Variants in GNA13 observed in about 807,000 individuals in gnomAD.
GNA13 encodes the protein guanine nucleotide-binding protein subunit alpha-13.
Under a neutral mutation model 33.5 loss-of-function variants are expected in GNA13, and 4 were observed. That is an observed-to-expected ratio of 0.12 (90% CI 0.06 to 0.27). GNA13 has a LOEUF of 0.27. Ranked by LOEUF, GNA13 falls within the 10% of genes least tolerant of loss-of-function variation. The pLI is 1.00. For missense variants in GNA13, 319 were observed against 487.2 expected, an observed-to-expected ratio of 0.65 and a Z score of 3.25; for synonymous variants, 176 against 183.8, an observed-to-expected ratio of 0.96 and a Z score of 0.34.
chr17:65,024,633 G>A (rs1479001814), intron 2 of GNA13, among the ~76,000 whole-genome samples: 2 of 152,162 alleles, frequency 1.3e-5, no homozygotes, highest in African/African-American at 2.4e-5. Flanking sequence ...ATTACCTAAT[G>A]TGCTTATTAA....
chr17:65,022,993 A>T (rs1046037816), intron 2 of GNA13, among the ~76,000 whole-genome samples: 4 of 152,246 alleles, frequency 2.6e-5, no homozygotes, highest in African/African-American at 9.6e-5. Flanking sequence ...CACAATGCTC[A>T]GTTGTTGTTT....
intron 2 of GNA13, among the ~76,000 whole-genome samples, chr17:65,027,261 C>T (rs1906823813): frequency 6.6e-6 from 1 of 151,830 alleles, no homozygotes; most frequent in Non-Finnish European, 1.5e-5. Flanking sequence ...CTCAAATCAT[C>T]CAGATTTATT....
At chr17:65,017,201 C>T (rs192672640) in intron 3 of GNA13, among the ~76,000 whole-genome samples, 74 of 152,280 alleles carry the variant, frequency 4.9e-4, no homozygotes, top group African/African-American at 1.3e-3. Flanking sequence ...TTCAGAAACA[C>T]GCCGGGCCCT....
Position 65,053,593 on chromosome 17 carries a change from C to G in GNA13, c.419G>C (p.Arg140Thr). 6.2e-7 allele frequency: 1 copy of G among 1,613,812 alleles called. No homozygotes were observed. Among genetic ancestry groups the G allele is most frequent in the Non-Finnish European group, 8.5e-7 (1 of 1,179,688 alleles). The change falls in exon 2 of 4, where the codon AGG becomes ACG. Residue 140 changes from arginine to threonine, a missense_variant. Coordinates refer to ENST00000439174, the MANE Select transcript of GNA13 (RefSeq NM_006572.6). ...AGCAGGAAGATATTGTAAGAAAACC[C>G]TTGTTTCCACCATTCCTTGGGCTGC... ...PMAAQGMVETRVFLQYLPAIR... is the reference protein window; with the variant it reads ...PMAAQGMVETTVFLQYLPAIR...
At chr17:65,029,052 T>C (rs1317946945) in intron 2 of GNA13, among the ~76,000 whole-genome samples, 1 of 152,210 alleles carries the variant, frequency 6.6e-6, no homozygotes, top group Non-Finnish European at 1.5e-5. Flanking sequence ...TGGGAAAAAC[T>C]TGGTGAACAC....
At chr17:65,042,582 C>A (rs1236055765) in intron 2 of GNA13, among the ~76,000 whole-genome samples, 2 of 151,486 alleles carry the variant, frequency 1.3e-5, no homozygotes, top group Non-Finnish European at 2.9e-5. Flanking sequence ...ACCAAAAATA[C>A]AAAAATTAGC....
At chr17:65,051,727 AAAC>A (rs1907865834) in intron 2 of GNA13, among the ~76,000 whole-genome samples, 1 of 152,238 alleles carries the variant, frequency 6.6e-6, no homozygotes, top group Non-Finnish European at 1.5e-5. Flanking sequence ...TCAAGGGACA[AAAC>A]TAACCAGAAA....
rs200032909 is a variant in GNA13, at chr17:65,014,400, G to A, written c.991C>T (p.Arg331Trp). 6.8e-6 allele frequency: 11 copies of A among 1,613,918 alleles called. No individual in the cohort carries two copies. Among genetic ancestry groups the A allele is most frequent in the South Asian group, 2.2e-5 (2 of 91,074 alleles). The change falls in exon 4 of 4, where the codon CGG becomes TGG. Residue 331 changes from arginine to tryptophan, a missense_variant. This residue lies in a region of GNA13 where 134 missense variants were observed against 241.3 expected (regional missense o/e 0.56). Transcript: ENST00000439174. This position sits in a 1 kb window ranked among gnomAD's most constrained non-coding sequence, Gnocchi z 5.3. ...TGTTGCTGGTCCCGGCGTTTGTTCC[G>A]GAAACATTCCACCAGGAATTTTTGG... ...DVQKFLVECF[R>W]NKRRDQQQKP... is the part of the protein sequence containing the mutation.
Position 65,013,554 on chromosome 17 carries a change from A to C in GNA13, c.*703T>G. On this transcript the variant is annotated 3_prime_UTR_variant, in exon 4 of 4. Coordinates refer to ENST00000439174, the MANE Select transcript of GNA13 (RefSeq NM_006572.6). The stretch of plus-strand genomic sequence containing the variant: ...ATTTCACTCGTTACGTTTGACCAAA[A>C]CACGGTAAACAGCATTAGCTTGCCT... 4.6e-6 allele frequency: 1 copy of C among 218,742 alleles called. No homozygotes were observed. Among genetic ancestry groups the C allele is most frequent in the East Asian group, 6.8e-5 (1 of 14,804 alleles). The allele number at this position is 218,742 out of a possible 1,614,324, so 13.6% of individuals were successfully genotyped here. A position where few individuals can be genotyped will look rare whatever the true frequency, so the allele number is the denominator to read the frequency against.
At chr17:65,053,779 TATC>T (rs1907941692) in intron 1 of GNA13, 51 bp from the exon 2 acceptor site, 1 of 1,128,958 alleles carries the variant, frequency 8.9e-7, no homozygotes, top group Non-Finnish European at 1.3e-6. Context: ...CATTACATAT[TATC>T]ATAAGTTTTT....
rs1271709495 is a variant in GNA13, at chr17:65,010,458, A to C, written c.*3799T>G. 6.6e-6 allele frequency among the ~76,000 whole-genome samples: 1 copy of C among 152,072 alleles called. No individual in the cohort carries two copies. The highest frequency in any genetic ancestry group is 2.4e-5 in the African/African-American group (1 of 41,406). On this transcript the variant is annotated 3_prime_UTR_variant, in exon 4 of 4. Coordinates refer to ENST00000439174, the MANE Select transcript of GNA13 (RefSeq NM_006572.6). ...CCCACCCACAATCTCTCCCCTCCTC[A>C]TGTTTACTAGACTGAAAAGCCACCC...
chr17:65,036,361 C>G (rs1907247124), intron 2 of GNA13, among the ~76,000 whole-genome samples: 1 of 152,220 alleles, frequency 6.6e-6, no homozygotes, highest in Non-Finnish European at 1.5e-5. Context: ...TGAGTATCAG[C>G]CTCGGGCTTT....
Position 65,031,921 on chromosome 17 carries a change from AGT to A in GNA13, c.511-13620_511-13619del, listed in dbSNP as rs148637639. Among the ~76,000 whole-genome samples, 488 of 91,662 alleles carry A rather than the reference AGT, an allele frequency of 5.3e-3. 2 individuals carry two copies. The highest frequency in any genetic ancestry group is 0.018 in the Middle Eastern group (3 of 164). The allele number at this position is 91,662 out of a possible 152,430, so 60.1% of individuals were successfully genotyped here. On this transcript the variant is annotated intron_variant, in intron 2 of 3. Coordinates refer to ENST00000439174, the MANE Select transcript of GNA13 (RefSeq NM_006572.6). ...AAGAGAGAGAGAGAGAGAGAGAGAG[AGT>A]GTGTGTGTGTGTGTGTGTGTGTGTG... is the stretch of plus-strand genomic sequence containing the variant.
chr17:65,050,759 T>C lies in GNA13; in HGVS notation c.510+2743A>G, dbSNP rs149420672. Among the ~76,000 whole-genome samples the C allele has an allele frequency of 1.3e-3, 205 of 152,164 alleles. 4 individuals carry two copies. The East Asian group carries it at 0.024, about 18-fold the overall frequency. On this transcript the variant is annotated intron_variant, in intron 2 of 3. Transcript: ENST00000439174. ...ACAAAAACAAAAAAACAAAAAACAA[T>C]GCTGAGCGTAGACTCAGGAAAAAAG...
intron 1 of GNA13, among the ~76,000 whole-genome samples, chr17:65,055,165 C>A (rs970134971): frequency 1.3e-5 from 2 of 152,076 alleles, no homozygotes; most frequent in Non-Finnish European, 2.9e-5. Flanking sequence ...CTAAACTGCT[C>A]CCCAGATAAA....
chr17:65,018,092 T>TAAAAAAAAAAAAAAAAAAAAAAAAAAAAA (rs767082596), intron 3 of GNA13, among the ~76,000 whole-genome samples, 161 bp downstream of exon 3: 1 of 21,474 alleles, frequency 4.7e-5, no homozygotes, highest in African/African-American at 1.4e-4. Flanking sequence ...ACGCCACCAC[T>TAAAAAAAAAAAAAAAAAAAAAAAAAAAAA]AAAAAAAAAA....
rs1248910002 is a variant in GNA13 at position 65,013,173 on chromosome 17, C to CTCAAATAATG, written c.*1074_*1083dup. ...AGACACACCAAGAATGAACAGGAATCTCAAATAATGCCTTCTTGAATAGTC... is the reference window on the plus strand; with the variant it reads ...AGACACACCAAGAATGAACAGGAATCTCAAATAATGTCAAATAATGCCTTCTTGAATAGTC... On this transcript the variant is annotated 3_prime_UTR_variant, in exon 4 of 4. Coordinates refer to ENST00000439174, the MANE Select transcript of GNA13 (RefSeq NM_006572.6). 19 of 203,800 alleles carry CTCAAATAATG rather than the reference C, an allele frequency of 9.3e-5. No homozygotes were observed. Among genetic ancestry groups the CTCAAATAATG allele is most frequent in the African/African-American group, 4.1e-4 (18 of 43,744 alleles). 12.6% of individuals were successfully genotyped at this position (203,800 alleles called of 1,614,324 possible).
intron 2 of GNA13, among the ~76,000 whole-genome samples, chr17:65,037,794 A>AAAAAAAAAAAAC (rs1307183420): frequency 1.3e-5 from 2 of 149,858 alleles, no homozygotes; most frequent in East Asian, 1.9e-4. Flanking sequence ...AAAAAAAAAA[A>AAAAAAAAAAAAC]AAAAAAGACA....
chr17:65,020,724 C>T (rs1256128488), intron 2 of GNA13, among the ~76,000 whole-genome samples: 6 of 151,406 alleles, frequency 4.0e-5, no homozygotes, highest in African/African-American at 1.5e-4. Flanking sequence ...GATCTTGGCT[C>T]AATACAACCT....
Sources: gnomAD v4.1 joint callset for allele counts (sites outside exome capture counted in the v4.1 genomes callset) on GRCh38, gnomAD v4.1.1 for gene constraint, gnomAD v4.1.1 regional missense constraint, Gnocchi (gnomAD v3.1) non-coding constraint, MANE v1.5 for transcripts, NCBI Gene and HGNC (gene_info 2026-07-23, HGNC 2026-07-21) for gene names.